The following DMD variants were observed in gnomAD, a reference collection of about 807,000 sequenced individuals.
DMD encodes mutant dystrophin.
DMD carries 63 observed loss-of-function variants against 330.1 expected under a neutral mutation model. The observed-to-expected ratio is 0.19, with a 90% confidence interval of 0.16 to 0.24. DMD has a LOEUF of 0.24. DMD is among the 10% of genes least tolerant of loss of function. The pLI, the probability that DMD is intolerant of heterozygous loss-of-function variation, is 1.00. For missense variants in DMD, 3,344 were observed against 2,684.1 expected (o/e 1.25, Z -5.43); for synonymous variants, 1,223 against 959.8 (o/e 1.27, Z -5.07).
intron 60 of DMD, among the ~76,000 whole-genome samples, chrX:31,436,249 A>C (rs1023919974): frequency 1.8e-5 from 2 of 112,405 alleles, no homozygotes; most frequent in African/African-American, 6.5e-5. Context: ...TAGTATATAA[A>C]GATCAAGCAA....
chrX:32,295,750 C>G (rs781004359), intron 42 of DMD, among the ~76,000 whole-genome samples: 19 of 111,791 alleles, frequency 1.7e-4, no homozygotes, highest in South Asian at 3.8e-4. Context: ...ATGAAGCAAC[C>G]CTTAACTATG....
intron 11 of DMD, among the ~76,000 whole-genome samples, chrX:32,632,972 T>C (rs1208503884): frequency 8.9e-6 from 1 of 112,535 alleles, no homozygotes; most frequent in Non-Finnish European, 1.9e-5. Context: ...AGAAGCCTTC[T>C]TGAGTTCTCC....
intron 60 of DMD, among the ~76,000 whole-genome samples, chrX:31,427,098 T>C (rs1304045158): frequency 8.9e-6 from 1 of 111,874 alleles, no homozygotes; most frequent in Non-Finnish European, 1.9e-5. Context: ...AATTTAATTA[T>C]ATTTCATCTC....
In DMD at chrX:32,852,980, G is replaced by C. The variant is rs1383156837; in HGVS notation, c.94-3160C>G. 2.7e-5 allele frequency among the ~76,000 whole-genome samples: 3 copies of C among 111,879 alleles called. No homozygotes were observed. The East Asian group carries it at 8.4e-4, about 31-fold the overall frequency. The stretch of plus-strand genomic sequence containing the variant: ...AAAGACAGGATCCTAAAAGCAGCAA[G>C]AGAAAAGATACATTCCAAAAAGCTT... On this transcript the variant is annotated intron_variant, in intron 2 of 78. Transcript: ENST00000357033.
At chrX:31,474,597 C>T (rs2149235993) in intron 59 of DMD, among the ~76,000 whole-genome samples, 1 of 106,600 alleles carries the variant, frequency 9.4e-6, no homozygotes, top group South Asian at 4.2e-4. Context: ...GTAGTCCCAG[C>T]TATTTGGGAG....
At chrX:31,906,612 C>T (rs1183808837) in intron 47 of DMD, among the ~76,000 whole-genome samples, 1 of 112,065 alleles carries the variant, frequency 8.9e-6, no homozygotes, top group African/African-American at 3.2e-5. Context: ...TCTTTAAAGG[C>T]AATATCCATT....
At chrX:32,644,467 C>A (rs1182073796) in intron 10 of DMD, among the ~76,000 whole-genome samples, 154 bp from the exon 11 acceptor site, 1 of 110,706 alleles carries the variant, frequency 9.0e-6, no homozygotes, top group Non-Finnish European at 1.9e-5. Context: ...ATCCCAAAAC[C>A]ACTTTTAATA....
chrX:33,307,398 TA>T (rs1266358917), intron 1 of DMD, among the ~76,000 whole-genome samples: 1 of 111,716 alleles, frequency 9.0e-6, no homozygotes, highest in African/African-American at 3.3e-5. Context: ...TTAGAAAGAG[TA>T]AAAGATCAGA....
chrX:32,656,497 C>A (rs12387816), intron 9 of DMD, among the ~76,000 whole-genome samples: 11,627 of 111,860 alleles, frequency 0.1, 1,370 homozygotes, highest in African/African-American at 0.35. Flanking sequence ...ACAGCAATCT[C>A]ATATACTGAT....
At chrX:31,532,204 G>T (rs1483204746) in intron 55 of DMD, among the ~76,000 whole-genome samples, 1 of 99,837 alleles carries the variant, frequency 1.0e-5, no homozygotes, top group African/African-American at 4.0e-5. Flanking sequence ...AAGTTGAAAT[G>T]AAGGAAAAAA....
At chrX:31,335,915 C>G (rs1014548359) in intron 61 of DMD, among the ~76,000 whole-genome samples, 1 of 112,161 alleles carries the variant, frequency 8.9e-6, no homozygotes, top group Non-Finnish European at 1.9e-5. Flanking sequence ...TGAATGCAGA[C>G]CCAGTGACAG....
chrX:32,431,155 G>A (rs1297439011), intron 29 of DMD, among the ~76,000 whole-genome samples: 2 of 110,205 alleles, frequency 1.8e-5, no homozygotes, highest in Non-Finnish European at 3.8e-5. Flanking sequence ...GTTTTCCATA[G>A]TGTCAGCATG....
intron 52 of DMD, among the ~76,000 whole-genome samples, chrX:31,718,864 T>TAACA (rs200726342): frequency 0.011 from 1,268 of 111,998 alleles, 11 homozygotes; most frequent in Non-Finnish European, 0.019. Context: ...CATTGAATCC[T>TAACA]AACACCAAAC....
intron 44 of DMD, among the ~76,000 whole-genome samples, chrX:32,054,448 GT>G (rs1474241628): frequency 9.5e-6 from 1 of 105,309 alleles, no homozygotes; most frequent in East Asian, 3.0e-4. Flanking sequence ...GCGGTGTTTG[GT>G]TTTTTGTCCT....
rs754195293 is a variant in DMD, at chrX:32,142,110, A to G, written c.6438+74806T>C. 2.0e-4 allele frequency among the ~76,000 whole-genome samples: 22 copies of G among 110,871 alleles called. No individual in the cohort carries two copies. In the East Asian group the frequency reaches 2.6e-3, roughly 13 times the overall value. On this transcript the variant is annotated intron_variant, in intron 44 of 78. Coordinates refer to ENST00000357033, the MANE Select transcript of DMD (RefSeq NM_004006.3). ...CTGAGCTATAGAATAATGTTAGAGG[A>G]TGGTGCAAGGGGGGTAGACAGCCCT...
chrX:32,799,870 C>T (rs6628734), intron 7 of DMD, among the ~76,000 whole-genome samples: 2,135 of 111,140 alleles, frequency 0.019, 54 homozygotes, highest in African/African-American at 0.065. Context: ...CCTGAAATCG[C>T]TTATGCTAAT....
intron 2 of DMD, among the ~76,000 whole-genome samples, chrX:32,969,027 C>CCAAAAAAAAAAAAAA (rs2092280100): frequency 2.5e-4 from 5 of 19,823 alleles, no homozygotes; most frequent in Admixed American, 9.7e-4. Context: ...GATTCTGTCT[C>CCAAAAAAAAAAAAAA]AAAAAAAAAA....
intron 7 of DMD, among the ~76,000 whole-genome samples, chrX:32,743,571 G>A (rs1431048203): frequency 2.7e-5 from 3 of 111,202 alleles, no homozygotes; most frequent in Non-Finnish European, 5.7e-5. Context: ...GAATGTTGTT[G>A]GCACTGAACC....
chrX:33,320,488 A>G (rs1303863651), intron 1 of DMD, among the ~76,000 whole-genome samples: 1 of 112,239 alleles, frequency 8.9e-6, no homozygotes, highest in Non-Finnish European at 1.9e-5. Flanking sequence ...TATGTTAAAA[A>G]ATGTACATAC....
Sources: allele counts gnomAD v4.1 joint callset (sites outside exome capture counted in the v4.1 genomes callset), GRCh38; gene constraint gnomAD v4.1.1; transcripts MANE v1.5; gene names NCBI Gene and HGNC (gene_info 2026-07-23, HGNC 2026-07-21).